MICU3: variants seen among roughly 807,000 people sequenced by gnomAD.
MICU3 encodes calcium uptake protein 3, mitochondrial.
Under a neutral mutation model 66.5 loss-of-function variants are expected in MICU3, and 62 were observed. The observed-to-expected ratio is 0.93, with a 90% confidence interval of 0.76 to 1.15. The LOEUF is 1.15. MICU3 is among the 50% of genes most tolerant of loss of function. The pLI is 0.00. For missense variants in MICU3, 779 were observed against 664.4 expected (o/e 1.17, Z -1.90); for synonymous variants, 308 against 240.7 (o/e 1.28, Z -2.59).
intron 9 of MICU3, chr8:17,102,832 C>A (rs2150806806): frequency 6.6e-6 from 1 of 152,060 alleles, no homozygotes; most frequent in Admixed American, 6.6e-5. Flanking sequence ...TAGACAACTT[C>A]TCAGGTATTC....
intron 2 of MICU3, among the ~76,000 whole-genome samples, chr8:17,069,045 G>A (rs1244008964): frequency 3.3e-5 from 5 of 152,114 alleles, no homozygotes; most frequent in Admixed American, 2.6e-4. Flanking sequence ...ATCTTTGGGG[G>A]TGTGAGGAGG....
chr8:17,115,997 C>CT (rs1269276717), intron 12 of MICU3, among the ~76,000 whole-genome samples: 1 of 152,186 alleles, frequency 6.6e-6, no homozygotes, highest in Non-Finnish European at 1.5e-5. Flanking sequence ...TAACCACTGC[C>CT]TTTCTCTCCC....
At chr8:17,075,091 T>G (rs1820178683) in intron 3 of MICU3, among the ~76,000 whole-genome samples, 1 of 152,062 alleles carries the variant, frequency 6.6e-6, no homozygotes, top group Non-Finnish European at 1.5e-5. Context: ...TTTTATTAGA[T>G]AGAATACAGA....
intron 1 of MICU3, 106 bp from the exon 2 acceptor site, chr8:17,063,978 A>C: frequency 1.4e-6 from 1 of 693,428 alleles, no homozygotes; most frequent in Non-Finnish European, 2.2e-6. Context: ...ATATTTTCAC[A>C]CTTCCTCATT....
the MICU3 span, among the ~76,000 whole-genome samples, chr8:17,136,022 G>C: frequency 6.6e-6 from 1 of 152,036 alleles, no homozygotes; most frequent in African/African-American, 2.4e-5. Flanking sequence ...GCTAAAAATT[G>C]TACTTACTCC....
intron 1 of MICU3, among the ~76,000 whole-genome samples, chr8:17,054,912 T>C (rs957035541): frequency 3.3e-5 from 5 of 151,916 alleles, no homozygotes; most frequent in African/African-American, 1.2e-4. Flanking sequence ...CTAATTTTTG[T>C]ATTTTTAGTA....
chr8:17,134,679 C>T, the MICU3 span, among the ~76,000 whole-genome samples: 2 of 152,088 alleles, frequency 1.3e-5, no homozygotes, highest in African/African-American at 2.4e-5. Context: ...CTCCTGACCT[C>T]GTGATCCGCC....
At chr8:17,045,844 A>C (rs1393348299) in intron 1 of MICU3, among the ~76,000 whole-genome samples, 1 of 152,176 alleles carries the variant, frequency 6.6e-6, no homozygotes, top group Admixed American at 6.5e-5. Flanking sequence ...CCCCTTTATA[A>C]AACTGTCAGA....
intron 2 of MICU3, among the ~76,000 whole-genome samples, chr8:17,064,645 C>T (rs1818400551): frequency 6.6e-6 from 1 of 152,112 alleles, no homozygotes; most frequent in Non-Finnish European, 1.5e-5. Context: ...CATTGTCTCT[C>T]ACCTTTTCAT....
At chr8:17,076,959 C>T (rs184820323) in intron 3 of MICU3, among the ~76,000 whole-genome samples, 1 of 152,190 alleles carries the variant, frequency 6.6e-6, no homozygotes, top group African/African-American at 2.4e-5. Flanking sequence ...TTCAAGTTAT[C>T]TCACCGTCTT....
intron 1 of MICU3, among the ~76,000 whole-genome samples, chr8:17,038,417 C>G (rs1365020698): frequency 1.3e-5 from 2 of 152,186 alleles, no homozygotes; most frequent in Non-Finnish European, 2.9e-5. Flanking sequence ...TGACTTTGCT[C>G]CTCATTTGCC....
chr8:17,049,687 CT>C, intron 1 of MICU3: 1 of 509,538 alleles, frequency 2.0e-6, no homozygotes, highest in Non-Finnish European at 3.9e-6. Context: ...TGAAAAAACA[CT>C]GGGTTGTGTG....
intron 5 of MICU3, among the ~76,000 whole-genome samples, chr8:17,082,646 A>T (rs1296459667): frequency 2.6e-5 from 4 of 152,176 alleles, no homozygotes; most frequent in Non-Finnish European, 4.4e-5. Flanking sequence ...TGAATGAAGA[A>T]AGGAATACAT....
At chr8:17,091,939 A>G (rs946567855) in intron 8 of MICU3, among the ~76,000 whole-genome samples, 4 of 151,974 alleles carry the variant, frequency 2.6e-5, no homozygotes, top group Non-Finnish European at 5.9e-5. Context: ...GTGTAGTGGC[A>G]TGATCTCAGC....
At chr8:17,047,002 A>C (rs1585214673) in intron 1 of MICU3, among the ~76,000 whole-genome samples, 1 of 152,186 alleles carries the variant, frequency 6.6e-6, no homozygotes, top group East Asian at 1.9e-4. Context: ...GATAAAATCT[A>C]GATGAGAATG....
intron 1 of MICU3, among the ~76,000 whole-genome samples, chr8:17,041,413 A>T (rs576994525): frequency 2.0e-4 from 31 of 152,326 alleles, no homozygotes; most frequent in Admixed American, 3.3e-4. Context: ...GGATTTAGCA[A>T]CAAGGAAGTC....
At chr8:17,035,460 G>A (rs1273358376) in intron 1 of MICU3, among the ~76,000 whole-genome samples, 1 of 152,172 alleles carries the variant, frequency 6.6e-6, no homozygotes, top group Non-Finnish European at 1.5e-5. Flanking sequence ...ATAGTGATGT[G>A]GACAGTAAAG....
intron 2 of MICU3, among the ~76,000 whole-genome samples, chr8:17,064,584 A>G (rs114988949): frequency 8.8e-4 from 134 of 152,274 alleles, no homozygotes; most frequent in African/African-American, 3.0e-3. Flanking sequence ...TTCTACCTGT[A>G]TCTCTTCTGC....
chr8:17,055,351 C>T (rs950539831), intron 1 of MICU3, among the ~76,000 whole-genome samples: 3 of 152,190 alleles, frequency 2.0e-5, no homozygotes, highest in Non-Finnish European at 4.4e-5. Context: ...GTCTCTCCAT[C>T]TTTCTTAAAC....
Sources: allele counts gnomAD v4.1 joint callset (sites outside exome capture counted in the v4.1 genomes callset), GRCh38; gene constraint gnomAD v4.1.1; transcripts MANE v1.5; gene names NCBI Gene and HGNC (gene_info 2026-07-23, HGNC 2026-07-21).